IL1RAPL1: variants seen among roughly 807,000 people sequenced by gnomAD.
IL1RAPL1 encodes interleukin 1 receptor accessory protein like 1, also known as interleukin-1 receptor accessory protein-like 1.
In IL1RAPL1, 3 loss-of-function variants were observed where a neutral mutation model predicts 48.4. That is an observed-to-expected ratio of 0.06 (90% CI 0.03 to 0.16). IL1RAPL1 has a LOEUF of 0.16. Among genes scored for constraint, IL1RAPL1 ranks in the 10% least tolerant of loss-of-function variants. The pLI is 1.00. For missense variants in IL1RAPL1, 349 were observed against 530.6 expected (o/e 0.66, Z 3.36); for synonymous variants, 185 against 187.7 (o/e 0.99, Z 0.12).
Position 29,299,334 on chromosome X carries a change from TG to T in IL1RAPL1, c.362+16118del, listed in dbSNP as rs979233184. Among the ~76,000 whole-genome samples the T allele has an allele frequency of 5.5e-4, 61 of 111,839 alleles. No individual in the cohort carries two copies. In the South Asian group the frequency reaches 6.0e-3, roughly 11 times the overall value. On this transcript the variant is annotated intron_variant, in intron 3 of 10. Coordinates refer to ENST00000378993, the MANE Select transcript of IL1RAPL1 (RefSeq NM_014271.4). ...TACATTTGTTTTCTTTCATATTTGA[TG>T]TGCATTGTCCAAAAATAACACATGG... is the stretch of plus-strand genomic sequence containing the variant.
chrX:29,292,752 C>G (rs1175185826), intron 3 of IL1RAPL1, among the ~76,000 whole-genome samples: 3 of 110,121 alleles, frequency 2.7e-5, no homozygotes, highest in African/African-American at 9.9e-5. Flanking sequence ...AACTATCTCT[C>G]TTAATTGAAA....
At chrX:29,065,413 C>G (rs1927432944) in intron 2 of IL1RAPL1, among the ~76,000 whole-genome samples, 1 of 111,622 alleles carries the variant, frequency 9.0e-6, no homozygotes, top group Admixed American at 9.5e-5. Flanking sequence ...TATTGAAGTT[C>G]CCTTGTAACT....
intron 2 of IL1RAPL1, among the ~76,000 whole-genome samples, chrX:29,276,470 AT>A (rs1932119792): frequency 1.8e-5 from 2 of 112,074 alleles, no homozygotes; most frequent in East Asian, 2.8e-4. Context: ...GCATACTGCT[AT>A]TTTTTAATTA....
chrX:29,893,499 G>A (rs1932314359), intron 6 of IL1RAPL1, among the ~76,000 whole-genome samples: 1 of 110,492 alleles, frequency 9.1e-6, no homozygotes, highest in South Asian at 3.8e-4. Flanking sequence ...GAGTCACCGT[G>A]CATCATTGTT....
At chrX:29,114,356 C>A (rs753265940) in intron 2 of IL1RAPL1, among the ~76,000 whole-genome samples, 2 of 111,854 alleles carry the variant, frequency 1.8e-5, no homozygotes, top group Non-Finnish European at 3.8e-5. Context: ...TTCTGTGTTT[C>A]AAAAAATGTG....
At chrX:29,572,272 G>A (rs1421960253) in intron 5 of IL1RAPL1, among the ~76,000 whole-genome samples, 1 of 111,954 alleles carries the variant, frequency 8.9e-6, no homozygotes, top group Non-Finnish European at 1.9e-5. Context: ...CGTATTGCTT[G>A]TCATCTTAAA....
At position 29,431,442 on chromosome X, in the gene IL1RAPL1, G is replaced by A. The variant is rs189515728; in HGVS notation, c.703+32134G>A. Among the ~76,000 whole-genome samples the A allele has an allele frequency of 2.9e-4, 32 of 111,793 alleles. No homozygotes were observed. In the East Asian group the frequency reaches 8.1e-3, roughly 28 times the overall value. On this transcript the variant is annotated intron_variant, in intron 5 of 10. Transcript: ENST00000378993. ...TAGTAGATTTCTTGTGCTGCAGTACGCATGTTAATAAGTATTTCATCCTCA... is the reference window on the plus strand; with the variant it reads ...TAGTAGATTTCTTGTGCTGCAGTACACATGTTAATAAGTATTTCATCCTCA...
At chrX:28,876,921 C>T (rs1168440846) in intron 2 of IL1RAPL1, among the ~76,000 whole-genome samples, 1 of 111,694 alleles carries the variant, frequency 9.0e-6, no homozygotes, top group African/African-American at 3.3e-5. Context: ...TACAGACCAG[C>T]TATGGACTAT....
At chrX:29,594,212 C>T (rs1301438992) in intron 5 of IL1RAPL1, among the ~76,000 whole-genome samples, 1 of 111,907 alleles carries the variant, frequency 8.9e-6, no homozygotes, top group Non-Finnish European at 1.9e-5. Flanking sequence ...ATTCCATGTC[C>T]TCTTACAGGA....
chrX:29,309,031 A>G (rs915435083), intron 3 of IL1RAPL1, among the ~76,000 whole-genome samples: 1 of 112,586 alleles, frequency 8.9e-6, no homozygotes, highest in African/African-American at 3.2e-5. Context: ...AGCTGCAGGG[A>G]TTATCAAAAC....
chrX:28,681,630 TAA>T (rs1416899908), intron 1 of IL1RAPL1, among the ~76,000 whole-genome samples: 1 of 111,711 alleles, frequency 9.0e-6, no homozygotes, highest in Admixed American at 9.5e-5. Context: ...TGGAATTTGT[TAA>T]GAGGGTAGAC....
At chrX:29,430,129 C>G (rs1934402865) in intron 5 of IL1RAPL1, among the ~76,000 whole-genome samples, 1 of 108,665 alleles carries the variant, frequency 9.2e-6, no homozygotes, top group Admixed American at 1.0e-4. Flanking sequence ...CTGTCTGTCT[C>G]TCTCTCTCTC....
intron 5 of IL1RAPL1, among the ~76,000 whole-genome samples, chrX:29,464,884 A>T (rs1934844610): frequency 9.0e-6 from 1 of 111,373 alleles, no homozygotes; most frequent in East Asian, 2.8e-4. Flanking sequence ...AACCTTGAGG[A>T]CATATGGATA....
chrX:28,976,950 T>C (rs1925221222), intron 2 of IL1RAPL1, among the ~76,000 whole-genome samples: 1 of 112,410 alleles, frequency 8.9e-6, no homozygotes, highest in African/African-American at 3.2e-5. Context: ...AAAACAGCTA[T>C]AGATATCAGG....
At chrX:29,443,037 G>A (rs1397258100) in intron 5 of IL1RAPL1, among the ~76,000 whole-genome samples, 1 of 109,484 alleles carries the variant, frequency 9.1e-6, no homozygotes, top group Non-Finnish European at 1.9e-5. Flanking sequence ...TATTTTCATT[G>A]TACAGAGCAA....
At chrX:28,648,767 T>C (rs1301641572) in intron 1 of IL1RAPL1, among the ~76,000 whole-genome samples, 1 of 112,056 alleles carries the variant, frequency 8.9e-6, no homozygotes, top group African/African-American at 3.2e-5. Flanking sequence ...GTTGATTCTA[T>C]TGAAAAGTTG....
At chrX:29,013,198 TA>T (rs367692415) in intron 2 of IL1RAPL1, among the ~76,000 whole-genome samples, 152 of 97,260 alleles carry the variant, frequency 1.6e-3, no homozygotes, top group Middle Eastern at 5.2e-3. Context: ...ATTAAAAAGT[TA>T]AAAAAAAAAA....
At chrX:29,680,869 G>A (rs1282377669) in intron 6 of IL1RAPL1, among the ~76,000 whole-genome samples, 1 of 111,595 alleles carries the variant, frequency 9.0e-6, no homozygotes, top group African/African-American at 3.3e-5. Flanking sequence ...CTCTAGACCT[G>A]CATTCATCTC....
Position 29,536,532 on chromosome X carries a change from A to C in IL1RAPL1, c.704-131898A>C, listed in dbSNP as rs1178862819. Among the ~76,000 whole-genome samples the C allele has an allele frequency of 2.7e-5, 3 of 111,795 alleles. No individual in the cohort carries two copies. The East Asian group carries it at 8.4e-4, about 31-fold the overall frequency. Reference sequence around the variant, plus strand: ...AAAATGTTTGTGGTGAGAATATTAAAAAAAATTGTAGGATAAAATCCCATT... The same window carrying C: ...AAAATGTTTGTGGTGAGAATATTAACAAAAATTGTAGGATAAAATCCCATT... On this transcript the variant is annotated intron_variant, in intron 5 of 10. Transcript: ENST00000378993.
Sources: allele counts gnomAD v4.1 joint callset (sites outside exome capture counted in the v4.1 genomes callset), GRCh38; gene constraint gnomAD v4.1.1; transcripts MANE v1.5; gene names NCBI Gene and HGNC (gene_info 2026-07-23, HGNC 2026-07-21).